Variants in UBR3 observed in about 807,000 individuals in gnomAD.
UBR3 encodes E3 ubiquitin-protein ligase UBR3.
Under a neutral mutation model 243.2 loss-of-function variants are expected in UBR3, and 85 were observed. That is an observed-to-expected ratio of 0.35 (90% CI 0.29 to 0.42). The LOEUF is 0.42. Among genes scored for constraint, UBR3 ranks in the 10% least tolerant of loss-of-function variants. The probability of loss-of-function intolerance (pLI) is 1.00; values close to 1 mark genes in which losing one functional copy is unlikely to be tolerated. For synonymous variants in UBR3, 748 were observed against 799.8 expected (o/e 0.94, Z 1.09); for missense variants, 1,686 against 2,300.8 (o/e 0.73, Z 5.47).
intron 3 of UBR3, among the ~76,000 whole-genome samples, chr2:169,877,141 A>G (rs893528916): frequency 6.6e-6 from 1 of 152,230 alleles, no homozygotes; most frequent in African/African-American, 2.4e-5. Context: ...GAATTCCGCT[A>G]CATAATTATT....
rs373923372 is a variant in UBR3, at chr2:170,038,994, CGA to C, written c.4557-1882_4557-1881del. Among the ~76,000 whole-genome samples the C allele has an allele frequency of 3.1e-3, 464 of 151,976 alleles. 9 individuals are homozygous for C. Among genetic ancestry groups the C allele is most frequent in the East Asian group, 0.012 (60 of 5,156 alleles). The stretch of plus-strand genomic sequence containing the variant: ...GTAATGGATATTCAGATAGAGAGTT[CGA>C]GAGAGTCATTGCTGGACATACAGTC... On this transcript the variant is annotated intron_variant, in intron 31 of 38. Coordinates refer to ENST00000272793, the MANE Select transcript of UBR3 (RefSeq NM_172070.4).
At chr2:169,976,697 C>T (rs2088463697) in intron 24 of UBR3, among the ~76,000 whole-genome samples, 1 of 152,092 alleles carries the variant, frequency 6.6e-6, no homozygotes, top group Non-Finnish European at 1.5e-5. Flanking sequence ...TTGTCTCTGT[C>T]TTTCACTTTT....
chr2:169,877,690 A>G (rs2083668027), intron 4 of UBR3, 53 bp downstream of exon 4: 2 of 1,476,850 alleles, frequency 1.4e-6, no homozygotes, highest in Non-Finnish European at 1.8e-6. Flanking sequence ...ATTAAAACCA[A>G]AAAAACCTCT....
At chr2:170,032,269 CA>C (rs1287286772) in intron 31 of UBR3, among the ~76,000 whole-genome samples, 5 of 57,890 alleles carry the variant, frequency 8.6e-5, no homozygotes, top group Admixed American at 1.9e-4. Context: ...TTGTTAAAAA[CA>C]AAAACAAAAA....
chr2:170,037,014 C>T (rs2090849277), intron 31 of UBR3, among the ~76,000 whole-genome samples: 1 of 152,062 alleles, frequency 6.6e-6, no homozygotes, highest in South Asian at 2.1e-4. Context: ...AGAGTTTTCT[C>T]ATGGGATGAT....
At chr2:169,950,602 A>G (rs1277289278) in intron 23 of UBR3, among the ~76,000 whole-genome samples, 1 of 150,514 alleles carries the variant, frequency 6.6e-6, no homozygotes, top group Non-Finnish European at 1.5e-5. Context: ...CTTTTTTTTC[A>G]TCTTTTGACT....
chr2:169,960,617 C>T (rs1402323775), intron 24 of UBR3, among the ~76,000 whole-genome samples: 2 of 151,828 alleles, frequency 1.3e-5, no homozygotes, highest in East Asian at 1.9e-4. Context: ...ATTTACGTAT[C>T]GTTCTATTGT....
chr2:170,081,590 TGA>T (rs2091908073), intron 38 of UBR3, 134 bp from the exon 39 acceptor site: 1 of 502,134 alleles, frequency 2.0e-6, no homozygotes, highest in Non-Finnish European at 3.5e-6. Flanking sequence ...CTCGAGAGGC[TGA>T]GACAGGAGAA....
At chr2:169,947,470 G>T in intron 21 of UBR3, 72 bp from the exon 22 acceptor site, 1 of 1,201,546 alleles carries the variant, frequency 8.3e-7, no homozygotes, top group Non-Finnish European at 1.1e-6. Flanking sequence ...ATTTTGGGGG[G>T]CTTGTTACAT....
chr2:169,868,285 G>A (rs921721336), intron 1 of UBR3, among the ~76,000 whole-genome samples: 2 of 152,082 alleles, frequency 1.3e-5, no homozygotes, highest in African/African-American at 2.4e-5. Flanking sequence ...ATATATTAGA[G>A]CGTTTCATCT....
intron 30 of UBR3, among the ~76,000 whole-genome samples, chr2:170,028,689 G>GTTTT (rs72533605): frequency 1.4e-5 from 2 of 146,162 alleles, no homozygotes; most frequent in African/African-American, 5.0e-5. Context: ...AATACTTAGG[G>GTTTT]TTTTTTTTTT....
At chr2:169,846,431 G>A (rs953103342) in intron 1 of UBR3, among the ~76,000 whole-genome samples, 1 of 151,654 alleles carries the variant, frequency 6.6e-6, no homozygotes, top group Admixed American at 6.6e-5. Flanking sequence ...TTTTTTAGGG[G>A]CTGGGTGCGC....
intron 32 of UBR3, among the ~76,000 whole-genome samples, chr2:170,042,836 G>T (rs2091001401): frequency 6.7e-6 from 1 of 150,024 alleles, no homozygotes; most frequent in Non-Finnish European, 1.5e-5. Context: ...AGATATTTTT[G>T]AATGTTACTT....
chr2:169,836,620 C>T (rs574644320), intron 1 of UBR3, among the ~76,000 whole-genome samples: 3 of 149,428 alleles, frequency 2.0e-5, no homozygotes, highest in Non-Finnish European at 3.0e-5. Context: ...ACATCCTGCA[C>T]ATGTAATTCA....
Position 170,037,606 on chromosome 2 carries a change from T to A in UBR3, c.4557-3276T>A, listed in dbSNP as rs1311003416. ...TTTCACCATATTGGTCAGGCTGGTC[T>A]CAAACTCCTGACCTCAGGTGATCCA... On this transcript the variant is annotated intron_variant, in intron 31 of 38. Coordinates refer to ENST00000272793, the MANE Select transcript of UBR3 (RefSeq NM_172070.4). Among the ~76,000 whole-genome samples the A allele has an allele frequency of 2.0e-5, 3 of 152,154 alleles. No individual in the cohort carries two copies. In the East Asian group the frequency reaches 5.8e-4, roughly 29 times the overall value.
intron 10 of UBR3, among the ~76,000 whole-genome samples, chr2:169,906,788 C>T (rs191445598): frequency 3.8e-4 from 58 of 152,118 alleles, no homozygotes; most frequent in Non-Finnish European, 3.2e-4. Context: ...TTTTTACTTG[C>T]GTGACTTGGT....
rs916616318 is a variant in UBR3, at chr2:169,837,909, A to G, written c.545+9857A>G. Among the ~76,000 whole-genome samples, 11 of 152,216 alleles carry G rather than the reference A, an allele frequency of 7.2e-5. No individual in the cohort carries two copies. The South Asian group carries it at 2.3e-3, about 32-fold the overall frequency. On this transcript the variant is annotated intron_variant, in intron 1 of 38. Coordinates refer to ENST00000272793, the MANE Select transcript of UBR3 (RefSeq NM_172070.4). ...ATTGATCTATAATGTCACCTCTATC[A>G]CAGACCAAACCTATGTGTGTCCTAA...
At position 170,074,262 on chromosome 2, in the gene UBR3, G is replaced by T. The variant is rs970724423; in HGVS notation, c.5199+655G>T. The stretch of plus-strand genomic sequence containing the variant: ...AAAAATCTAGACTATTTTTCTGATT[G>T]TAAAACTTGGAAAGTAACTAATGTA... On this transcript the variant is annotated intron_variant, in intron 36 of 38. Transcript: ENST00000272793. Among the ~76,000 whole-genome samples, 9 of 152,160 alleles carry T rather than the reference G, an allele frequency of 5.9e-5. No homozygotes were observed. In the East Asian group the frequency reaches 1.7e-3, roughly 29 times the overall value.
chr2:170,016,401 C>G (rs953548840), intron 30 of UBR3, among the ~76,000 whole-genome samples: 1 of 151,370 alleles, frequency 6.6e-6, no homozygotes, highest in African/African-American at 2.4e-5. Flanking sequence ...ATTTTTTAAC[C>G]GAGTATTAGT....
Sources: allele counts gnomAD v4.1 joint callset (sites outside exome capture counted in the v4.1 genomes callset), GRCh38; gene constraint gnomAD v4.1.1; transcripts MANE v1.5; gene names NCBI Gene and HGNC (gene_info 2026-07-23, HGNC 2026-07-21).